The following ASPRV1 variants were observed in gnomAD, a reference collection of about 807,000 sequenced individuals.
ASPRV1 encodes the protein retroviral-like aspartic protease 1.
Under a neutral mutation model 11.0 loss-of-function variants are expected in ASPRV1, and 7 were observed. That is an observed-to-expected ratio of 0.64 (90% CI 0.36 to 1.20). The LOEUF (loss-of-function observed/expected upper bound fraction) is 1.20, where lower values mean the gene tolerates loss of function less well. ASPRV1 is among the 50% of genes most tolerant of loss of function. ASPRV1 has a pLI of 0.02. For synonymous variants in ASPRV1, 136 were observed against 138.4 expected (o/e 0.98, Z 0.12); for missense variants, 299 against 320.0 (o/e 0.93, Z 0.50).
chr2:70,036,502 C>T, the ASPRV1 span, among the ~76,000 whole-genome samples: 1 of 152,132 alleles, frequency 6.6e-6, no homozygotes. Flanking sequence ...ATTTGACAGT[C>T]TCTCAGGCAG....
the ASPRV1 span, chr2:70,046,612 T>C: frequency 6.6e-6 from 1 of 152,096 alleles, no homozygotes; most frequent in Non-Finnish European, 1.5e-5. Context: ...GGCAAGACCC[T>C]AGGAAGCCAA....
the ASPRV1 span, among the ~76,000 whole-genome samples, chr2:70,069,712 T>C: frequency 6.6e-6 from 1 of 152,162 alleles, no homozygotes; most frequent in Non-Finnish European, 1.5e-5. Flanking sequence ...TCTAAGTTGT[T>C]CATAATGGCC....
the ASPRV1 span, among the ~76,000 whole-genome samples, chr2:70,047,491 C>G: frequency 6.6e-6 from 1 of 152,160 alleles, no homozygotes; most frequent in Non-Finnish European, 1.5e-5. Flanking sequence ...AAGCTATGTG[C>G]AAGATCTTGA....
chr2:70,064,646 G>A, the ASPRV1 span, among the ~76,000 whole-genome samples: 1 of 152,198 alleles, frequency 6.6e-6, no homozygotes, highest in Non-Finnish European at 1.5e-5. Flanking sequence ...GCTGGAGGAT[G>A]GGAAGGTCAA....
the ASPRV1 span, chr2:70,070,480 CCT>C: frequency 6.6e-6 from 1 of 152,098 alleles, no homozygotes; most frequent in African/African-American, 2.4e-5. Context: ...CTCATGCCCC[CCT>C]TCTAAGAAAA....
the ASPRV1 span, among the ~76,000 whole-genome samples, chr2:69,953,806 C>T: frequency 6.6e-6 from 1 of 152,050 alleles, no homozygotes; most frequent in African/African-American, 2.4e-5. Context: ...CTCCCAGGTT[C>T]AAGCAATTCT....
At chr2:70,063,599 G>C in the ASPRV1 span, among the ~76,000 whole-genome samples, 18 of 152,288 alleles carry the variant, frequency 1.2e-4, 1 homozygote, top group East Asian at 3.1e-3. Context: ...AGATAAGGGA[G>C]TTGAACCTGA....
chr2:70,036,225 A>G, the ASPRV1 span, among the ~76,000 whole-genome samples: 1 of 151,950 alleles, frequency 6.6e-6, no homozygotes, highest in Admixed American at 6.6e-5. Context: ...GTGGGCTGAA[A>G]CCGGACAAAA....
chr2:69,962,125 T>G (rs1413983221), upstream of ASPRV1: 1 of 175,926 alleles, frequency 5.7e-6, no homozygotes, highest in African/African-American at 2.4e-5. Context: ...TCCTATGGGA[T>G]TTCCTGGAGA....
chr2:70,020,229 TC>T, the ASPRV1 span, among the ~76,000 whole-genome samples: 1 of 152,164 alleles, frequency 6.6e-6, no homozygotes, highest in Non-Finnish European at 1.5e-5. Flanking sequence ...ATCTAGCAAT[TC>T]CACTCTGGTT....
chr2:70,002,673 T>C, the ASPRV1 span, among the ~76,000 whole-genome samples: 14 of 152,222 alleles, frequency 9.2e-5, no homozygotes, highest in Non-Finnish European at 1.0e-4. Flanking sequence ...AATGAGCCCA[T>C]AGCATTTCTT....
chr2:70,084,936 A>G, the ASPRV1 span, among the ~76,000 whole-genome samples: 104 of 152,360 alleles, frequency 6.8e-4, no homozygotes, highest in African/African-American at 2.3e-3. Context: ...TGATAGTAAC[A>G]TAAGTTAAAG....
chr2:69,974,055 T>C, the ASPRV1 span, among the ~76,000 whole-genome samples: 1 of 152,200 alleles, frequency 6.6e-6, no homozygotes, highest in Non-Finnish European at 1.5e-5. Flanking sequence ...TATAAAATTA[T>C]TGCCAGGCAT....
the ASPRV1 span, among the ~76,000 whole-genome samples, chr2:70,021,480 G>C: frequency 1.9e-4 from 29 of 151,602 alleles, no homozygotes; most frequent in Middle Eastern, 3.4e-3. Flanking sequence ...TGCCACGCCC[G>C]GCTAATTTTT....
chr2:70,061,661 T>C, the ASPRV1 span, among the ~76,000 whole-genome samples: 21 of 151,894 alleles, frequency 1.4e-4, no homozygotes, highest in Admixed American at 1.2e-3. Flanking sequence ...TTTCTCTAAA[T>C]ATGGTCTGGA....
the ASPRV1 span, chr2:70,085,627 G>C: frequency 7.1e-6 from 1 of 141,462 alleles, no homozygotes; most frequent in Non-Finnish European, 1.5e-5. Context: ...GTCTTCCTCT[G>C]TTTAAAAGAG....
At chr2:69,974,759 A>C in the ASPRV1 span, among the ~76,000 whole-genome samples, 1 of 152,248 alleles carries the variant, frequency 6.6e-6, no homozygotes, top group Non-Finnish European at 1.5e-5. Context: ...GACAGGAAGA[A>C]GGCTGGGATC....
the ASPRV1 span, chr2:70,070,867 TA>T: frequency 1.4e-5 from 2 of 139,350 alleles, no homozygotes; most frequent in African/African-American, 5.5e-5. Flanking sequence ...ACAAACTATA[TA>T]AAAAACATGT....
the ASPRV1 span, among the ~76,000 whole-genome samples, chr2:70,040,059 A>G: frequency 6.6e-6 from 1 of 152,226 alleles, no homozygotes; most frequent in East Asian, 1.9e-4. Flanking sequence ...AGAGCTATCC[A>G]GGTTACAATG....
Sources: gnomAD v4.1 joint callset for allele counts (sites outside exome capture counted in the v4.1 genomes callset) on GRCh38, gnomAD v4.1.1 for gene constraint, MANE v1.5 for transcripts, NCBI Gene and HGNC (gene_info 2026-07-23, HGNC 2026-07-21) for gene names.